DLC1: variants seen among roughly 807,000 people sequenced by gnomAD.
DLC1 encodes rho GTPase-activating protein 7.
A neutral mutation model predicts 140.3 loss-of-function variants in DLC1; 54 were observed. That is an observed-to-expected ratio of 0.38 (90% CI 0.31 to 0.48). The LOEUF is 0.48. Among genes scored for constraint, DLC1 ranks in the 20% least tolerant of loss-of-function variants. DLC1 has a pLI of 0.96. For missense variants in DLC1, 2,536 were observed against 1,907.0 expected (o/e 1.33, Z -6.14); for synonymous variants, 986 against 728.1 (o/e 1.35, Z -5.70).
chr8:13,269,155 G>C (rs1382809832), intron 5 of DLC1, among the ~76,000 whole-genome samples: 1 of 152,128 alleles, frequency 6.6e-6, no homozygotes, highest in African/African-American at 2.4e-5. Context: ...TTACAGGTGT[G>C]AGCCACCGCT....
intron 9 of DLC1, among the ~76,000 whole-genome samples, chr8:13,098,819 T>C (rs1818731135): frequency 6.6e-6 from 1 of 152,120 alleles, no homozygotes. Context: ...TCTCCCTATG[T>C]TGTCCAGCTT....
chr8:13,159,895 C>T (rs914546035), intron 5 of DLC1, among the ~76,000 whole-genome samples: 3 of 150,448 alleles, frequency 2.0e-5, no homozygotes, highest in Non-Finnish European at 4.4e-5. Flanking sequence ...TGTGGAGGCT[C>T]AAGTCTGTAA....
intron 5 of DLC1, among the ~76,000 whole-genome samples, chr8:13,143,585 A>G (rs1461059180): frequency 6.6e-6 from 1 of 150,842 alleles, no homozygotes; most frequent in African/African-American, 2.4e-5. Flanking sequence ...CCTCCCAAGT[A>G]GCTAGAATTA....
intron 5 of DLC1, among the ~76,000 whole-genome samples, chr8:13,220,334 G>A (rs1019183151): frequency 5.3e-5 from 8 of 152,094 alleles, no homozygotes; most frequent in Non-Finnish European, 7.4e-5. Flanking sequence ...AAAGGATAAA[G>A]GTGCCCCACG....
intron 5 of DLC1, among the ~76,000 whole-genome samples, chr8:13,202,460 C>A (rs1215285733): frequency 6.6e-6 from 1 of 152,074 alleles, no homozygotes. Context: ...GATATTTAGG[C>A]CAATGAACTG....
chr8:13,486,763 A>G (rs1800987739), intron 2 of DLC1, among the ~76,000 whole-genome samples: 1 of 152,192 alleles, frequency 6.6e-6, no homozygotes, highest in Admixed American at 6.5e-5. Context: ...TGCTTGTTGG[A>G]TAAATGAACA....
intron 2 of DLC1, among the ~76,000 whole-genome samples, chr8:13,421,040 C>T (rs543686181): frequency 1.3e-5 from 2 of 152,260 alleles, no homozygotes; most frequent in African/African-American, 4.8e-5. Flanking sequence ...ACTGCCCATA[C>T]TTCTGATTAA....
chr8:13,525,693 G>A (rs1344165037), intron 1 of DLC1, among the ~76,000 whole-genome samples: 1 of 152,106 alleles, frequency 6.6e-6, no homozygotes, highest in Non-Finnish European at 1.5e-5. Flanking sequence ...GTTTCCTTAT[G>A]GGAGACCATA....
At chr8:13,550,471 T>C (rs1267744563) in intron 1 of DLC1, among the ~76,000 whole-genome samples, 1 of 152,124 alleles carries the variant, frequency 6.6e-6, no homozygotes, top group Non-Finnish European at 1.5e-5. Flanking sequence ...TTTTGCATGG[T>C]CTTCTTGAGC....
chr8:13,539,300 C>T (rs113880821), intron 1 of DLC1, among the ~76,000 whole-genome samples: 6 of 152,042 alleles, frequency 3.9e-5, no homozygotes, highest in Admixed American at 1.3e-4. Context: ...CCTGAGTTCA[C>T]ACCATTCTCC....
At chr8:13,126,355 A>C (rs768058059) in intron 5 of DLC1, among the ~76,000 whole-genome samples, 1 of 145,302 alleles carries the variant, frequency 6.9e-6, no homozygotes, top group Non-Finnish European at 1.5e-5. Context: ...GGACACACAT[A>C]TCTCTCTATC....
chr8:13,395,376 C>T (rs925701328), intron 3 of DLC1, among the ~76,000 whole-genome samples: 21 of 152,164 alleles, frequency 1.4e-4, no homozygotes, highest in African/African-American at 4.6e-4. Context: ...CCGCCTTGGC[C>T]TCCCAAAAGC....
chr8:13,507,348 GC>G (rs1802143172), intron 1 of DLC1, among the ~76,000 whole-genome samples: 1 of 152,042 alleles, frequency 6.6e-6, no homozygotes, highest in Non-Finnish European at 1.5e-5. Context: ...CAAACAAATA[GC>G]AAAAACCGTA....
chr8:13,091,536 C>G (rs1247261772), intron 13 of DLC1, 104 bp from the exon 14 acceptor site: 5 of 972,370 alleles, frequency 5.1e-6, no homozygotes, highest in African/African-American at 3.3e-5. Flanking sequence ...AAAATTTTCA[C>G]TGGAATCTGT....
chr8:13,548,620 A>T (rs1585263212), intron 1 of DLC1, among the ~76,000 whole-genome samples: 1 of 152,112 alleles, frequency 6.6e-6, no homozygotes, highest in Non-Finnish European at 1.5e-5. Flanking sequence ...ACTTTAGGAG[A>T]CTGTCCTTAC....
intron 4 of DLC1, among the ~76,000 whole-genome samples, chr8:13,327,120 ATTTTTTTTTTTTT>A (rs34667525): frequency 1.2e-4 from 10 of 85,636 alleles, no homozygotes; most frequent in Admixed American, 3.6e-4. Flanking sequence ...ACACCCGGCT[ATTTTTTTTTTTTT>A]TTTTTTTTTT....
chr8:13,120,071 G>A (rs1359523911), intron 5 of DLC1, among the ~76,000 whole-genome samples: 1 of 151,804 alleles, frequency 6.6e-6, no homozygotes, highest in Admixed American at 6.6e-5. Context: ...GCTTGGGCAT[G>A]GTGGCTCACG....
chr8:13,372,792 A>G (rs1197379002), intron 4 of DLC1, among the ~76,000 whole-genome samples: 1 of 152,184 alleles, frequency 6.6e-6, no homozygotes, highest in East Asian at 1.9e-4. Flanking sequence ...AAAAGGGCCT[A>G]TATGGTAAGT....
At chr8:13,491,762 G>A (rs1801256593) in intron 2 of DLC1, among the ~76,000 whole-genome samples, 1 of 152,112 alleles carries the variant, frequency 6.6e-6, no homozygotes, top group South Asian at 2.1e-4. Flanking sequence ...GAACTAGCAG[G>A]CAGAACAGAG....
Sources: gnomAD v4.1 joint callset for allele counts (sites outside exome capture counted in the v4.1 genomes callset) on GRCh38, gnomAD v4.1.1 for gene constraint, MANE v1.5 for transcripts, NCBI Gene and HGNC (gene_info 2026-07-23, HGNC 2026-07-21) for gene names.